TENM4: variants seen among roughly 807,000 people sequenced by gnomAD.
TENM4 encodes teneurin-4.
TENM4 carries 82 observed loss-of-function variants against 243.3 expected under a neutral mutation model. That is an observed-to-expected ratio of 0.34 (90% CI 0.28 to 0.40). TENM4 has a LOEUF of 0.40. Ranked by LOEUF, TENM4 falls within the 10% of genes least tolerant of loss-of-function variation. The pLI is 1.00. For synonymous variants in TENM4, 1,412 were observed against 1,456.3 expected, an observed-to-expected ratio of 0.97 and a Z score of 0.69; for missense variants, 3,138 against 3,673.3, an observed-to-expected ratio of 0.85 and a Z score of 3.77.
intron 3 of TENM4, among the ~76,000 whole-genome samples, chr11:79,183,503 A>G (rs568237992): frequency 4.6e-5 from 7 of 152,322 alleles, no homozygotes; most frequent in African/African-American, 1.4e-4. Flanking sequence ...CAAAACTCAT[A>G]GAATGTACAA....
intron 2 of TENM4, among the ~76,000 whole-genome samples, chr11:79,292,671 T>G (rs1842009857): frequency 6.6e-6 from 1 of 152,206 alleles, no homozygotes. Context: ...GGCCAGTATA[T>G]CTGGGTGAGA....
At chr11:78,777,074 TAA>T (rs561840134) in intron 17 of TENM4, among the ~76,000 whole-genome samples, 22 of 152,268 alleles carry the variant, frequency 1.4e-4, no homozygotes, top group African/African-American at 5.1e-4. Context: ...ATGACTCACC[TAA>T]GACTCATGGA....
chr11:78,723,095 G>C (rs1224174516), intron 23 of TENM4, among the ~76,000 whole-genome samples, 178 bp from the exon 24 acceptor site: 1 of 152,218 alleles, frequency 6.6e-6, no homozygotes, highest in Non-Finnish European at 1.5e-5. Context: ...TCCTAAACAA[G>C]TCATACAGAT....
At chr11:78,698,182 A>C (rs994056317) in intron 28 of TENM4, among the ~76,000 whole-genome samples, 3 of 152,130 alleles carry the variant, frequency 2.0e-5, no homozygotes, top group African/African-American at 7.2e-5. Flanking sequence ...TGGGCGGATC[A>C]CTTGAGGTCA....
intron 12 of TENM4, among the ~76,000 whole-genome samples, chr11:78,853,623 C>T (rs1008286921): frequency 4.6e-5 from 7 of 152,214 alleles, no homozygotes; most frequent in Admixed American, 4.6e-4. Context: ...GCCTTTTGCA[C>T]TGCTGTTCTT....
chr11:78,826,578 C>T (rs1458539087), intron 12 of TENM4, among the ~76,000 whole-genome samples: 2 of 152,070 alleles, frequency 1.3e-5, no homozygotes, highest in Admixed American at 6.5e-5. Flanking sequence ...TGTCTCCAGG[C>T]CTGCCCCTTT....
intron 1 of TENM4, among the ~76,000 whole-genome samples, chr11:79,362,604 G>A (rs1028703790): frequency 6.6e-6 from 1 of 152,206 alleles, no homozygotes; most frequent in Admixed American, 6.5e-5. Flanking sequence ...AATGCCTGGG[G>A]CAGCTCATCA....
intron 29 of TENM4, among the ~76,000 whole-genome samples, chr11:78,684,134 T>C (rs1858594918): frequency 6.6e-6 from 1 of 152,228 alleles, no homozygotes; most frequent in Non-Finnish European, 1.5e-5. Flanking sequence ...TGGGAGTCAC[T>C]GCTCCGTTAA....
At chr11:79,058,405 TGTG>T (rs1202076112) in intron 6 of TENM4, among the ~76,000 whole-genome samples, 2 of 151,356 alleles carry the variant, frequency 1.3e-5, no homozygotes, top group African/African-American at 2.4e-5. Context: ...ATTAGCCAGG[TGTG>T]GTGGTGGGCG....
At chr11:78,913,173 A>G (rs934716754) in intron 6 of TENM4, among the ~76,000 whole-genome samples, 21 of 152,228 alleles carry the variant, frequency 1.4e-4, no homozygotes, top group African/African-American at 5.1e-4. Flanking sequence ...GGATGGAATG[A>G]AAGAAAGGGA....
intron 6 of TENM4, among the ~76,000 whole-genome samples, chr11:79,056,359 G>A (rs369608180): frequency 1.3e-5 from 2 of 152,172 alleles, no homozygotes; most frequent in African/African-American, 4.8e-5. Context: ...GCAAGGTGCT[G>A]TTGTGTTAGT....
intron 6 of TENM4, among the ~76,000 whole-genome samples, chr11:78,917,048 A>G (rs1365566380): frequency 2.6e-5 from 4 of 152,230 alleles, no homozygotes; most frequent in Non-Finnish European, 5.9e-5. Flanking sequence ...TATTTTTGTT[A>G]TGCTTGAACA....
intron 2 of TENM4, among the ~76,000 whole-genome samples, chr11:79,270,953 A>T (rs1426195861): frequency 6.6e-5 from 10 of 152,178 alleles, no homozygotes; most frequent in Admixed American, 6.5e-4. Flanking sequence ...CTTCTGTTCT[A>T]TGTATTAGGA....
intron 32 of TENM4, among the ~76,000 whole-genome samples, chr11:78,664,505 G>A (rs1242584108): frequency 1.3e-5 from 2 of 152,196 alleles, no homozygotes; most frequent in Non-Finnish European, 2.9e-5. Context: ...GATTACAGAT[G>A]TGAGCCACTG....
chr11:79,440,858 T>TGA lies in TENM4; in HGVS notation c.-672_-671dup, dbSNP rs1177395372. Reference sequence around the variant, plus strand: ...GGGCGGGTGTGTGCGCGCGCGTGTGTGAGTGTGTGTGTGTGTGTGTGTGTT... The same window carrying TGA: ...GGGCGGGTGTGTGCGCGCGCGTGTGTGAGAGTGTGTGTGTGTGTGTGTGTGTT... On this transcript the variant is annotated 5_prime_UTR_variant, in exon 1 of 34. Coordinates refer to ENST00000278550, the MANE Select transcript of TENM4 (RefSeq NM_001098816.3). This position sits in a 1 kb window ranked among gnomAD's most constrained non-coding sequence, Gnocchi z 4.7. 8.6e-6 allele frequency: 1 copy of TGA among 116,244 alleles called. No individual in the cohort carries two copies. Among genetic ancestry groups the TGA allele is most frequent in the Non-Finnish European group, 1.8e-5 (1 of 54,950 alleles). The allele number at this position is 116,244 out of a possible 1,614,324, so 7.2% of individuals were successfully genotyped here. A position where few individuals can be genotyped will look rare whatever the true frequency, so the allele number is the denominator to read the frequency against.
rs982307869 is a variant in TENM4, at chr11:78,790,199, AATCTAT to A, written c.2180-3122_2180-3117del. On this transcript the variant is annotated intron_variant, in intron 15 of 33. Transcript: ENST00000278550. ...TTGGCATTCAAAAGATTATCCAAAT[AATCTAT>A]AGCTATGACTCATGCCTGCACCTTT... 3.9e-5 allele frequency among the ~76,000 whole-genome samples: 6 copies of A among 152,212 alleles called. No individual in the cohort carries two copies. The South Asian group carries it at 6.2e-4, about 16-fold the overall frequency.
intron 2 of TENM4, among the ~76,000 whole-genome samples, chr11:79,251,648 C>G (rs1855613241): frequency 6.6e-6 from 1 of 152,080 alleles, no homozygotes; most frequent in South Asian, 2.1e-4. Flanking sequence ...ACTCTACCAG[C>G]AGAGCAACAA....
chr11:79,376,086 C>T (rs776646492), intron 1 of TENM4, among the ~76,000 whole-genome samples: 4 of 152,220 alleles, frequency 2.6e-5, no homozygotes, highest in Admixed American at 6.5e-5. Flanking sequence ...AGACAGTTTG[C>T]ATTCAGACTT....
intron 1 of TENM4, among the ~76,000 whole-genome samples, chr11:79,410,964 C>T (rs936399647): frequency 6.6e-6 from 1 of 152,180 alleles, no homozygotes; most frequent in Non-Finnish European, 1.5e-5. Context: ...CATACACACA[C>T]ACACACATAC....
Sources: allele counts gnomAD v4.1 joint callset (sites outside exome capture counted in the v4.1 genomes callset), GRCh38; gene constraint gnomAD v4.1.1; non-coding constraint Gnocchi (gnomAD v3.1); transcripts MANE v1.5; gene names NCBI Gene and HGNC (gene_info 2026-07-23, HGNC 2026-07-21).